MAMLD1: variants seen among roughly 807,000 people sequenced by gnomAD.
MAMLD1 encodes the protein mastermind-like domain-containing protein 1.
MAMLD1 carries 14 observed loss-of-function variants against 45.0 expected under a neutral mutation model. That is an observed-to-expected ratio of 0.31 (90% CI 0.21 to 0.49). The LOEUF is 0.49. Ranked by LOEUF, MAMLD1 falls within the 20% of genes least tolerant of loss-of-function variation. MAMLD1 has a pLI of 0.99. For missense variants in MAMLD1, 543 were observed against 603.6 expected, an observed-to-expected ratio of 0.90 and a Z score of 1.05; for synonymous variants, 254 against 247.8, an observed-to-expected ratio of 1.02 and a Z score of -0.24.
chrX:150,491,186 T>G (rs1252445173), intron 5 of MAMLD1, among the ~76,000 whole-genome samples: 1 of 111,688 alleles, frequency 9.0e-6, no homozygotes, highest in African/African-American at 3.3e-5. Flanking sequence ...TCCGTTGTTA[T>G]TCCCCCTCCT....
intron 1 of MAMLD1, among the ~76,000 whole-genome samples, chrX:150,366,366 C>T (rs1241611431): frequency 2.7e-5 from 3 of 111,999 alleles, no homozygotes; most frequent in Non-Finnish European, 5.6e-5. Flanking sequence ...CCCAAATGCG[C>T]GCATACACAC....
chrX:150,403,001 G>A (rs1257476052), intron 1 of MAMLD1, among the ~76,000 whole-genome samples: 8 of 110,117 alleles, frequency 7.3e-5, no homozygotes, highest in African/African-American at 2.0e-4. Flanking sequence ...CAGCACACCA[G>A]CACGGCACAT....
chrX:150,433,557 G>T (rs1376731390), intron 1 of MAMLD1, among the ~76,000 whole-genome samples: 1 of 111,541 alleles, frequency 9.0e-6, no homozygotes, highest in African/African-American at 3.3e-5. Flanking sequence ...ATCATAGATG[G>T]CTCTTATTAT....
At chrX:150,430,702 C>G (rs1188880456) in intron 1 of MAMLD1, among the ~76,000 whole-genome samples, 2 of 111,998 alleles carry the variant, frequency 1.8e-5, no homozygotes, top group African/African-American at 6.5e-5. Context: ...TATTCCAGAA[C>G]CATGTGTTGA....
At chrX:150,365,450 A>G (rs1030989209) in intron 1 of MAMLD1, among the ~76,000 whole-genome samples, 1 of 112,985 alleles carries the variant, frequency 8.9e-6, no homozygotes, top group Non-Finnish European at 1.9e-5. Flanking sequence ...CAGAGGCCCT[A>G]GGCTGCAAGC....
chrX:150,483,686 CAT>C (rs1364565011), intron 5 of MAMLD1, among the ~76,000 whole-genome samples: 3 of 112,601 alleles, frequency 2.7e-5, no homozygotes, highest in Non-Finnish European at 5.6e-5. Flanking sequence ...TGTCTGAAAA[CAT>C]GTGATTTCTT....
chrX:150,497,693 T>C lies in MAMLD1; in HGVS notation c.2041-5581T>C, dbSNP rs148244520. Among the ~76,000 whole-genome samples, 1,067 of 111,660 alleles carry C rather than the reference T, an allele frequency of 9.6e-3. 5 individuals carry two copies. The highest frequency in any genetic ancestry group is 0.032 in the African/African-American group (986 of 30,656). On this transcript the variant is annotated intron_variant, in intron 5 of 7. Transcript: ENST00000370401. ...TCCTCATTTCAAGGTACAGTTATTA[T>C]AAAAAGAAGAGGACACCTGGGTCTC...
Position 150,471,359 on chromosome X carries a change from C to T in MAMLD1, c.1786C>T (p.Leu596=). 8.3e-7 allele frequency: 1 copy of T among 1,211,493 alleles called. No homozygotes were observed. Among genetic ancestry groups the T allele is most frequent in the Non-Finnish European group, 1.1e-6 (1 of 895,272 alleles). ...ASSTATATLQ[L]QQQQQQQQQQ... ...CTCCACGGCCACTGCCACCTTGCAG[C>T]TGCAGCAGCAGCAGCAGCAACAGCA... is the stretch of plus-strand genomic sequence containing the variant. Residue 596 remains leucine, a synonymous_variant, in exon 4 of 8, where the codon CTG becomes TTG. Coordinates refer to ENST00000370401, the MANE Select transcript of MAMLD1 (RefSeq NM_005491.5).
intron 2 of MAMLD1, among the ~76,000 whole-genome samples, chrX:150,446,425 A>G (rs1387444443): frequency 3.6e-5 from 4 of 111,686 alleles, no homozygotes; most frequent in African/African-American, 1.3e-4. Context: ...GCTCTGAGGT[A>G]ATGCCATTTC....
At chrX:150,428,066 A>G (rs2034776062) in intron 1 of MAMLD1, among the ~76,000 whole-genome samples, 1 of 111,087 alleles carries the variant, frequency 9.0e-6, no homozygotes, top group South Asian at 3.8e-4. Context: ...TAAACCAGTG[A>G]TAACTCTGGG....
intron 2 of MAMLD1, among the ~76,000 whole-genome samples, chrX:150,455,813 T>C (rs1215727355): frequency 1.9e-5 from 2 of 107,624 alleles, no homozygotes; most frequent in Non-Finnish European, 3.8e-5. Context: ...AGATTATCCA[T>C]TTGCCTACAA....
intron 1 of MAMLD1, among the ~76,000 whole-genome samples, chrX:150,427,109 A>T (rs1242331234): frequency 9.0e-6 from 1 of 110,780 alleles, no homozygotes; most frequent in Non-Finnish European, 1.9e-5. Context: ...TCTGTGTCCA[A>T]ATTTCCCCTT....
chrX:150,474,206 T>TG (rs2036515442), intron 5 of MAMLD1, among the ~76,000 whole-genome samples: 1 of 111,717 alleles, frequency 9.0e-6, no homozygotes, highest in Non-Finnish European at 1.9e-5. Flanking sequence ...TCCTGAGAGT[T>TG]GGGGGGAAAG....
Position 150,510,025 on chromosome X carries a change from C to T in MAMLD1, c.*23C>T, listed in dbSNP as rs782763172. 1 of 1,202,909 alleles carries T rather than the reference C, an allele frequency of 8.3e-7. No homozygotes were observed. Among genetic ancestry groups the T allele is most frequent in the Non-Finnish European group, 1.1e-6 (1 of 887,424 alleles). On this transcript the variant is annotated 3_prime_UTR_variant, in exon 7 of 8. Transcript: ENST00000370401. ...TGAACGGCAGAATGCATATATCTCC[C>T]AACAGATGAGTCCATTTGAAGGTAA...
At chrX:150,403,940 A>AAAAGAAAGAAAGAAAGAG (rs1557402563) in intron 1 of MAMLD1, among the ~76,000 whole-genome samples, 27 of 58,886 alleles carry the variant, frequency 4.6e-4, no homozygotes, top group Middle Eastern at 0.01. Context: ...AGAAAGAAAG[A>AAAAGAAAGAAAGAAAGAG]AAAGAAAGAA....
At chrX:150,496,898 T>C (rs1318199332) in intron 5 of MAMLD1, among the ~76,000 whole-genome samples, 1 of 112,573 alleles carries the variant, frequency 8.9e-6, no homozygotes, top group Non-Finnish European at 1.9e-5. Context: ...ATTCCTTCAT[T>C]TCTTTATACA....
chrX:150,486,131 C>T (rs1474528066), intron 5 of MAMLD1, among the ~76,000 whole-genome samples: 1 of 112,010 alleles, frequency 8.9e-6, no homozygotes, highest in Admixed American at 9.4e-5. Flanking sequence ...ATCAACAGTT[C>T]CTCAGTGTCA....
chrX:150,407,162 A>C (rs1217432812), intron 1 of MAMLD1, among the ~76,000 whole-genome samples: 3 of 112,336 alleles, frequency 2.7e-5, no homozygotes, highest in African/African-American at 9.7e-5. Context: ...AAAAGCATAA[A>C]ATAAAACAAT....
At chrX:150,423,348 C>G (rs868927188) in intron 1 of MAMLD1, among the ~76,000 whole-genome samples, 1 of 7,827 alleles carries the variant, frequency 1.3e-4, no homozygotes, top group Non-Finnish European at 1.5e-3. Flanking sequence ...ACATTATACT[C>G]TGTGTGTGTG....
Sources: gnomAD v4.1 joint callset for allele counts (sites outside exome capture counted in the v4.1 genomes callset) on GRCh38, gnomAD v4.1.1 for gene constraint, MANE v1.5 for transcripts, NCBI Gene and HGNC (gene_info 2026-07-23, HGNC 2026-07-21) for gene names.